FSTL5: variants seen among roughly 807,000 people sequenced by gnomAD.
The protein encoded by FSTL5 is follistatin like 5.
FSTL5 carries 62 observed loss-of-function variants against 89.1 expected under a neutral mutation model. That is an observed-to-expected ratio of 0.70 (90% CI 0.57 to 0.86). FSTL5 has a LOEUF of 0.86. Among genes scored for constraint, FSTL5 ranks in the 40% least tolerant of loss-of-function variants. FSTL5 has a pLI of 0.00. For synonymous variants in FSTL5, 383 were observed against 346.2 expected (o/e 1.11, Z -1.18); for missense variants, 1,057 against 1,001.6 (o/e 1.06, Z -0.75).
At chr4:161,690,826 C>G (rs548568290) in intron 6 of FSTL5, among the ~76,000 whole-genome samples, 1 of 152,088 alleles carries the variant, frequency 6.6e-6, no homozygotes, top group African/African-American at 2.4e-5. Context: ...TATGAAAAGC[C>G]CCAGTGTGTG....
chr4:161,591,727 A>G (rs1316966652), intron 7 of FSTL5, among the ~76,000 whole-genome samples: 4 of 152,222 alleles, frequency 2.6e-5, no homozygotes, highest in African/African-American at 9.6e-5. Flanking sequence ...AATACATTTA[A>G]TCTTTATTTA....
At chr4:161,818,294 C>A (rs1044201406) in intron 4 of FSTL5, among the ~76,000 whole-genome samples, 2 of 152,186 alleles carry the variant, frequency 1.3e-5, no homozygotes, top group African/African-American at 2.4e-5. Context: ...CCGGCTCCCC[C>A]ACCTGCTGAG....
intron 15 of FSTL5, among the ~76,000 whole-genome samples, chr4:161,430,988 T>C (rs1732344750): frequency 6.6e-6 from 1 of 150,812 alleles, no homozygotes; most frequent in South Asian, 2.1e-4. Flanking sequence ...CCTGGAGAAA[T>C]AGAATTTCCC....
intron 1 of FSTL5, among the ~76,000 whole-genome samples, chr4:162,142,191 C>G (rs953769578): frequency 3.9e-5 from 6 of 151,908 alleles, no homozygotes; most frequent in African/African-American, 1.5e-4. Context: ...AAAGATCTTG[C>G]AGAGAAAATT....
chr4:161,621,827 CAAA>C (rs58143952), intron 7 of FSTL5, among the ~76,000 whole-genome samples: 20,667 of 89,992 alleles, frequency 0.23, 1,538 homozygotes, highest in East Asian at 0.33. Flanking sequence ...TCTAAAAATA[CAAA>C]AAAAAAAAAA....
chr4:161,504,222 A>C (rs570019211), intron 11 of FSTL5, among the ~76,000 whole-genome samples: 2 of 152,050 alleles, frequency 1.3e-5, no homozygotes, highest in African/African-American at 4.8e-5. Context: ...TTCTATTTCC[A>C]TTTCTAATAC....
chr4:162,009,053 A>G lies in FSTL5; in HGVS notation c.160+24572T>C, dbSNP rs1560967792. On this transcript the variant is annotated intron_variant, in intron 3 of 15. Transcript: ENST00000306100. ...TAACGTCCTACAAAAAGTGTCCAAA[A>G]ATTACATATGTTTAAACTACCAGTT... is the stretch of plus-strand genomic sequence containing the variant. 3.3e-5 allele frequency among the ~76,000 whole-genome samples: 5 copies of G among 152,204 alleles called. No homozygotes were observed. The Middle Eastern group carries it at 0.014, about 414-fold the overall frequency.
At chr4:161,489,577 C>T (rs1729795735) in intron 12 of FSTL5, among the ~76,000 whole-genome samples, 1 of 152,108 alleles carries the variant, frequency 6.6e-6, no homozygotes, top group Admixed American at 6.6e-5. Context: ...TGTGTTTAAA[C>T]TTTCCTCAGT....
At chr4:162,022,333 TATA>T (rs1578955026) in intron 3 of FSTL5, among the ~76,000 whole-genome samples, 1 of 151,900 alleles carries the variant, frequency 6.6e-6, no homozygotes, top group Admixed American at 6.6e-5. Flanking sequence ...TCATACAATC[TATA>T]ATATTGCATT....
At chr4:161,971,813 A>G (rs1001082893) in intron 3 of FSTL5, among the ~76,000 whole-genome samples, 1 of 152,208 alleles carries the variant, frequency 6.6e-6, no homozygotes, top group African/African-American at 2.4e-5. Context: ...ATTTTATGTT[A>G]GTAAATACTA....
intron 3 of FSTL5, among the ~76,000 whole-genome samples, chr4:161,974,295 C>T (rs1167676454): frequency 2.0e-5 from 3 of 152,006 alleles, no homozygotes; most frequent in East Asian, 1.9e-4. Context: ...GAGCCCGCAT[C>T]GCCAAGTAAG....
chr4:161,509,478 T>A (rs1487179268), intron 11 of FSTL5, among the ~76,000 whole-genome samples: 1 of 151,930 alleles, frequency 6.6e-6, no homozygotes, highest in Admixed American at 6.6e-5. Flanking sequence ...ACAAAAGATT[T>A]AAGGAGCAAC....
At chr4:162,091,692 C>T (rs1259218442) in intron 2 of FSTL5, among the ~76,000 whole-genome samples, 1 of 151,990 alleles carries the variant, frequency 6.6e-6, no homozygotes, top group South Asian at 2.1e-4. Flanking sequence ...CATATTGTTG[C>T]CACCCCTGTC....
At chr4:161,909,888 A>G (rs981047918) in intron 4 of FSTL5, among the ~76,000 whole-genome samples, 4 of 152,056 alleles carry the variant, frequency 2.6e-5, no homozygotes, top group African/African-American at 9.7e-5. Context: ...CCTCCTGGCA[A>G]TTACACACAT....
intron 1 of FSTL5, among the ~76,000 whole-genome samples, chr4:162,141,289 G>T (rs1732734235): frequency 1.1e-5 from 1 of 89,028 alleles, no homozygotes. Flanking sequence ...GCTAATTTTT[G>T]TATTTTTAGT....
chr4:161,531,264 A>T (rs978184325), intron 10 of FSTL5, among the ~76,000 whole-genome samples: 3 of 152,228 alleles, frequency 2.0e-5, no homozygotes, highest in African/African-American at 4.8e-5. Context: ...CAAACTCCTT[A>T]GCCATATGAT....
At chr4:161,778,366 T>C (rs879295907) in intron 4 of FSTL5, among the ~76,000 whole-genome samples, 3 of 152,122 alleles carry the variant, frequency 2.0e-5, no homozygotes, top group Non-Finnish European at 4.4e-5. Flanking sequence ...TAGGAAAAAA[T>C]CCTAACTTTA....
At chr4:161,492,023 T>C (rs1729896132) in intron 12 of FSTL5, among the ~76,000 whole-genome samples, 1 of 152,224 alleles carries the variant, frequency 6.6e-6, no homozygotes, top group Non-Finnish European at 1.5e-5. Flanking sequence ...TTATACAATA[T>C]GCAGCCACAT....
intron 7 of FSTL5, among the ~76,000 whole-genome samples, chr4:161,609,186 A>G (rs35058282): frequency 0.17 from 26,244 of 152,070 alleles, 2,368 homozygotes; most frequent in Middle Eastern, 0.32. Flanking sequence ...TTCAATGGGC[A>G]TTTGAATAAA....
Sources: gnomAD v4.1 joint callset for allele counts (sites outside exome capture counted in the v4.1 genomes callset) on GRCh38, gnomAD v4.1.1 for gene constraint, MANE v1.5 for transcripts, NCBI Gene and HGNC (gene_info 2026-07-23, HGNC 2026-07-21) for gene names.